Variants in SLC2A14 observed in about 807,000 individuals in gnomAD.
The protein encoded by SLC2A14 is solute carrier family 2, facilitated glucose transporter member 14.
Under a neutral mutation model 43.0 loss-of-function variants are expected in SLC2A14, and 13 were observed. The ratio of observed to expected loss-of-function variants is 0.30; its 90% CI spans 0.20 to 0.48. The LOEUF is 0.48. Ranked by LOEUF, SLC2A14 falls within the 20% of genes least tolerant of loss-of-function variation. The pLI is 0.99. For synonymous variants in SLC2A14, 190 were observed against 233.8 expected (o/e 0.81, Z 1.71); for missense variants, 428 against 620.4 (o/e 0.69, Z 3.29).
At chr12:7,882,123 G>T (rs1202579013) in intron 1 of SLC2A14, among the ~76,000 whole-genome samples, 1 of 152,002 alleles carries the variant, frequency 6.6e-6, no homozygotes, top group Non-Finnish European at 1.5e-5. Flanking sequence ...AATAAGTCTT[G>T]TTGCTGCTCA....
At chr12:7,874,099 G>A (rs531383979), upstream of SLC2A14, among the ~76,000 whole-genome samples, 3 of 152,224 alleles carry the variant, frequency 2.0e-5, no homozygotes, top group East Asian at 3.9e-4. Context: ...ACCAATTCGT[G>A]CCCACTAGAA....
intron 2 of SLC2A14, chr12:7,839,798 G>C: frequency 2.2e-6 from 1 of 453,120 alleles, no homozygotes; most frequent in Non-Finnish European, 4.4e-6. Context: ...CGGAGGCCAG[G>C]CTCGATGGCT....
intron 1 of SLC2A14, chr12:7,870,974 A>G: frequency 7.0e-7 from 1 of 1,433,620 alleles, no homozygotes; most frequent in Non-Finnish European, 9.4e-7. Context: ...GGCTTTCAAC[A>G]TGATTGACCA....
rs200616966 is a variant in SLC2A14, at chr12:7,832,735, T to C, written c.98A>G (p.Asn33Ser). 1.9e-5 allele frequency: 31 copies of C among 1,613,964 alleles called. No individual in the cohort carries two copies. The highest frequency in any genetic ancestry group is 3.3e-5 in the South Asian group (3 of 91,078). The change falls in exon 3 of 11, where the codon AAT becomes AGT. Residue 33 changes from asparagine to serine, a missense_variant. Around this residue, in one of 4 missense-constraint regions of SLC2A14, gnomAD observed 122 missense variants for 128.8 expected, o/e 0.95. Transcript: ENST00000431042. ...CCTGGCACTCACCGTCTCAGGAGCA[T>C]TGATGACCCCAGTGTTGTAGCCAAA... The part of the protein sequence containing the change: ...FQFGYNTGVI[N>S]APETIIKEFI...
rs368085110 is a variant in SLC2A14, at chr12:7,889,435, T to C, written c.132+1561A>G. 2.0e-5 allele frequency among the ~76,000 whole-genome samples: 3 copies of C among 150,934 alleles called. No individual in the cohort carries two copies. In the East Asian group the frequency reaches 5.9e-4, roughly 29 times the overall value. On this transcript the variant is annotated intron_variant, in intron 1 of 9. Transcript: ENST00000539924. ...TTTTTAGTAGAGACGGGTTTCTCCA[T>C]GTTGGTCAGGCTGTTCTCGAACTCC... is the stretch of plus-strand genomic sequence containing the variant.
At position 7,814,162 on chromosome 12, in the gene SLC2A14, T is replaced by C. The variant is rs12301343; in HGVS notation, c.*154A>G. 44,653 of 1,427,282 alleles carry C rather than the reference T, an allele frequency of 0.031. 1,716 individuals carry two copies. The highest frequency in any genetic ancestry group is 0.15 in the African/African-American group (10,576 of 69,346). 88.4% of individuals were successfully genotyped at this position (1,427,282 alleles called of 1,614,324 possible). On this transcript the variant is annotated 3_prime_UTR_variant, in exon 11 of 11. Coordinates refer to ENST00000431042, the MANE Select transcript of SLC2A14 (RefSeq NM_001286234.2). ...AAAAGCCATTGAAGATCCAACAAAC[T>C]GCAGCCTTGGGGTGCTCATGGAGTG... is the stretch of plus-strand genomic sequence containing the variant.
At chr12:7,844,170 A>C (rs1316596677) in intron 2 of SLC2A14, among the ~76,000 whole-genome samples, 1 of 152,150 alleles carries the variant, frequency 6.6e-6, no homozygotes, top group Non-Finnish European at 1.5e-5. Context: ...CTCCTTCTCC[A>C]GAAGAAATTG....
intron 1 of SLC2A14, among the ~76,000 whole-genome samples, chr12:7,886,151 C>CTTTGTTTTTTTTTTT: frequency 2.2e-5 from 1 of 44,696 alleles, no homozygotes; most frequent in Non-Finnish European, 3.9e-5. Flanking sequence ...GCCCGGACAG[C>CTTTGTTTTTTTTTTT]TTTTTTTTTT....
chr12:7,864,799 C>A (rs1157433766), intron 2 of SLC2A14, among the ~76,000 whole-genome samples: 6 of 152,094 alleles, frequency 3.9e-5, no homozygotes, highest in African/African-American at 1.4e-4. Context: ...AAAGAGTCAG[C>A]CGACCCAGGC....
chr12:7,823,063 G>A (rs1864057928), intron 7 of SLC2A14, among the ~76,000 whole-genome samples: 1 of 152,088 alleles, frequency 6.6e-6, no homozygotes, highest in Non-Finnish European at 1.5e-5. Flanking sequence ...TACTATGTTT[G>A]TTATTTACTA....
chr12:7,868,230 G>C (rs1195025902), intron 2 of SLC2A14, among the ~76,000 whole-genome samples: 1 of 152,156 alleles, frequency 6.6e-6, no homozygotes, highest in Non-Finnish European at 1.5e-5. Context: ...CATGCTGAAG[G>C]CTCAGATGAT....
intron 2 of SLC2A14, among the ~76,000 whole-genome samples, chr12:7,866,918 G>A (rs1394163214): frequency 6.6e-6 from 1 of 151,690 alleles, no homozygotes; most frequent in East Asian, 1.9e-4. Flanking sequence ...TTACATTGGA[G>A]GAAGATGCCA....
intron 10 of SLC2A14, among the ~76,000 whole-genome samples, chr12:7,815,890 T>TG (rs923226881): frequency 2.0e-4 from 29 of 145,778 alleles, no homozygotes; most frequent in Non-Finnish European, 2.9e-4. Context: ...TTGTTTTTTT[T>TG]TGTTTTTTTG....
At chr12:7,825,118 A>C (rs963332765) in intron 7 of SLC2A14, among the ~76,000 whole-genome samples, 4 of 152,090 alleles carry the variant, frequency 2.6e-5, no homozygotes, top group African/African-American at 9.7e-5. Flanking sequence ...TTATATGTGG[A>C]GCAAAATCTG....
At chr12:7,858,243 C>T (rs1301145158) in intron 2 of SLC2A14, among the ~76,000 whole-genome samples, 1 of 152,178 alleles carries the variant, frequency 6.6e-6, no homozygotes, top group Admixed American at 6.5e-5. Context: ...TGTCAGTCAT[C>T]AACAAACACT....
chr12:7,883,158 A>C (rs1346826562), intron 1 of SLC2A14, among the ~76,000 whole-genome samples: 2 of 151,794 alleles, frequency 1.3e-5, no homozygotes, highest in African/African-American at 4.8e-5. Context: ...GCAGTGAGCC[A>C]AGATCATGCC....
intron 2 of SLC2A14, among the ~76,000 whole-genome samples, chr12:7,869,293 G>C (rs1945101180): frequency 6.6e-6 from 1 of 152,120 alleles, no homozygotes; most frequent in African/African-American, 2.4e-5. Flanking sequence ...TCTTTCCAGA[G>C]GTGAGCACAT....
chr12:7,822,291 G>A (rs1433017509), intron 7 of SLC2A14, among the ~76,000 whole-genome samples: 1 of 151,814 alleles, frequency 6.6e-6, no homozygotes. Flanking sequence ...CTCAATTTTA[G>A]CTACTAATGT....
rs758154299 is a variant in SLC2A14, at chr12:7,831,685, C to G, written c.191G>C (p.Trp64Ser). The G allele has an allele frequency of 1.9e-6, 3 of 1,614,184 alleles. No individual in the cohort carries two copies. In the South Asian group the frequency reaches 3.3e-5, roughly 18 times the overall value. The change falls in exon 4 of 11, where the codon TGG becomes TCG. Residue 64 changes from tryptophan to serine, a missense_variant. Physicochemically the swap from Trp to Ser is radical, Grantham distance 177. Transcript: ENST00000431042. ...GGAAAATATGGCCACAGACAAGGAC[C>G]AGAGATTCGTGAGCAGCACCTCAGA... is the stretch of plus-strand genomic sequence containing the variant. Reference protein sequence around the residue: ...PPSEVLLTNLWSLSVAIFSVG... With the variant: ...PPSEVLLTNLSSLSVAIFSVG...
Sources: allele counts gnomAD v4.1 joint callset (sites outside exome capture counted in the v4.1 genomes callset), GRCh38; gene constraint gnomAD v4.1.1; regional missense constraint gnomAD v4.1.1; transcripts MANE v1.5; gene names NCBI Gene and HGNC (gene_info 2026-07-23, HGNC 2026-07-21).